Variants in EPHB1 observed in about 807,000 individuals in gnomAD.
The protein encoded by EPHB1 is ephrin type-B receptor 1.
In EPHB1, 30 loss-of-function variants were observed where a neutral mutation model predicts 94.4. The observed-to-expected ratio is 0.32, with a 90% CI of 0.24 to 0.43. The LOEUF is 0.43. EPHB1 is among the 20% of genes least tolerant of loss of function. The pLI is 1.00. For missense variants in EPHB1, 1,055 were observed against 1,308.3 expected (o/e 0.81, Z 2.99); for synonymous variants, 522 against 489.1 (o/e 1.07, Z -0.89).
chr3:135,112,109 C>T (rs368325061), intron 4 of EPHB1, among the ~76,000 whole-genome samples: 11 of 152,144 alleles, frequency 7.2e-5, no homozygotes, highest in Non-Finnish European at 1.0e-4. Flanking sequence ...GTGAGCTCAG[C>T]GGGGGCTGAA....
At chr3:135,180,569 GA>G (rs1307065790) in intron 10 of EPHB1, among the ~76,000 whole-genome samples, 1 of 152,148 alleles carries the variant, frequency 6.6e-6, no homozygotes, top group African/African-American at 2.4e-5. Context: ...TCACTCTCAA[GA>G]AATGTGTGTG....
chr3:135,196,575 C>T (rs569623196), intron 11 of EPHB1, among the ~76,000 whole-genome samples: 1 of 152,284 alleles, frequency 6.6e-6, no homozygotes, highest in East Asian at 1.9e-4. Context: ...CATTAATTGA[C>T]ATATCTGCTG....
At chr3:134,926,996 C>G (rs2038804983) in intron 2 of EPHB1, among the ~76,000 whole-genome samples, 1 of 152,114 alleles carries the variant, frequency 6.6e-6, no homozygotes, top group Admixed American at 6.5e-5. Flanking sequence ...GGGCAGTTGG[C>G]TAATTTCAGG....
At chr3:134,800,257 A>G (rs2035911858) in intron 1 of EPHB1, among the ~76,000 whole-genome samples, 1 of 152,164 alleles carries the variant, frequency 6.6e-6, no homozygotes, top group Admixed American at 6.5e-5. Flanking sequence ...AATACCCAAT[A>G]TAAGGACACA....
chr3:134,925,385 A>G (rs2038769644), intron 1 of EPHB1, among the ~76,000 whole-genome samples: 1 of 152,226 alleles, frequency 6.6e-6, no homozygotes, highest in Admixed American at 6.5e-5. Flanking sequence ...ATGGGGAGGA[A>G]GAAGGCAAAA....
intron 1 of EPHB1, chr3:134,796,103 AG>A (rs1430957887): frequency 3.9e-6 from 1 of 259,046 alleles, no homozygotes; most frequent in East Asian, 1.4e-4. Flanking sequence ...GTCTGCTCCC[AG>A]GCACGGATAC....
At chr3:135,183,816 C>G (rs1942256625) in intron 10 of EPHB1, among the ~76,000 whole-genome samples, 1 of 152,152 alleles carries the variant, frequency 6.6e-6, no homozygotes, top group Non-Finnish European at 1.5e-5. Context: ...AACACTAAAT[C>G]TGGAGAATCA....
intron 12 of EPHB1, among the ~76,000 whole-genome samples, chr3:135,203,103 A>G (rs1194576877): frequency 6.6e-6 from 1 of 152,172 alleles, no homozygotes; most frequent in African/African-American, 2.4e-5. Context: ...TCATTCTTAG[A>G]AAACTAACAC....
chr3:135,167,115 T>A, intron 9 of EPHB1, 109 bp downstream of exon 9: 1 of 1,307,066 alleles, frequency 7.7e-7, no homozygotes, highest in African/African-American at 1.5e-5. Context: ...CAGTGGCAAG[T>A]TCTCTCTCAG....
chr3:135,004,750 T>G (rs1222039740), intron 3 of EPHB1, among the ~76,000 whole-genome samples: 3 of 151,952 alleles, frequency 2.0e-5, no homozygotes, highest in African/African-American at 7.3e-5. Context: ...GTTGATTGCA[T>G]CGGCTCCTGA....
intron 3 of EPHB1, among the ~76,000 whole-genome samples, chr3:134,953,244 G>A (rs999868614): frequency 6.6e-6 from 1 of 152,212 alleles, no homozygotes; most frequent in African/African-American, 2.4e-5. Flanking sequence ...TGCCAAGCAG[G>A]CTTGTTAGTG....
chr3:135,144,837 C>A (rs1431936092), intron 5 of EPHB1, among the ~76,000 whole-genome samples: 1 of 152,108 alleles, frequency 6.6e-6, no homozygotes, highest in African/African-American at 2.4e-5. Context: ...GAGCTACACA[C>A]CCAAGGAAGT....
At chr3:134,947,661 C>T (rs1423862689) in intron 2 of EPHB1, among the ~76,000 whole-genome samples, 1 of 152,326 alleles carries the variant, frequency 6.6e-6, no homozygotes, top group East Asian at 1.9e-4. Context: ...GATGAGAAAA[C>T]TGAGGCCCAG....
intron 13 of EPHB1, 49 bp downstream of exon 13, chr3:135,241,346 C>A (rs1238606237): frequency 6.2e-7 from 1 of 1,608,430 alleles, no homozygotes; most frequent in African/African-American, 1.3e-5. Flanking sequence ...TGAAGGGATC[C>A]CAAAGGCAGT....
rs2035806703 is a variant in EPHB1 at position 134,795,579 on chromosome 3, C to G, written c.-53C>G. The G allele has an allele frequency of 6.3e-7, 1 of 1,578,286 alleles. No individual in the cohort carries two copies. The highest frequency in any genetic ancestry group is 1.4e-5 in the African/African-American group (1 of 71,524). ...CAGCGGCGCCCTGGGACGCGGCGCT[C>G]TCCCGGCGCTGCTGCCTCGGCTTGG... On this transcript the variant is annotated 5_prime_UTR_variant, in exon 1 of 16. Coordinates refer to ENST00000398015, the MANE Select transcript of EPHB1 (RefSeq NM_004441.5).
intron 5 of EPHB1, among the ~76,000 whole-genome samples, chr3:135,151,597 A>G (rs1424118980): frequency 2.2e-4 from 34 of 152,156 alleles, no homozygotes; most frequent in Admixed American, 2.2e-3. Context: ...AAGCTCTATG[A>G]GGGCTAGAAA....
chr3:134,836,704 C>T (rs2036679454), intron 1 of EPHB1, among the ~76,000 whole-genome samples: 1 of 152,164 alleles, frequency 6.6e-6, no homozygotes, highest in South Asian at 2.1e-4. Context: ...GATACACAGG[C>T]TCTATAAATT....
chr3:134,967,423 G>A (rs568943889), intron 3 of EPHB1, among the ~76,000 whole-genome samples: 6 of 152,264 alleles, frequency 3.9e-5, no homozygotes, highest in Admixed American at 2.6e-4. Context: ...CCTTTGCTAG[G>A]TGATTGGATC....
chr3:134,969,235 A>C (rs1266101340), intron 3 of EPHB1, among the ~76,000 whole-genome samples: 1 of 152,200 alleles, frequency 6.6e-6, no homozygotes, highest in Non-Finnish European at 1.5e-5. Context: ...TCATGGTGAT[A>C]TTAATTTGCA....
Sources: allele counts gnomAD v4.1 joint callset (sites outside exome capture counted in the v4.1 genomes callset), GRCh38; gene constraint gnomAD v4.1.1; transcripts MANE v1.5; gene names NCBI Gene and HGNC (gene_info 2026-07-23, HGNC 2026-07-21).